The following BCAT1 variants were observed in gnomAD, a reference collection of about 807,000 sequenced individuals.
BCAT1 encodes the protein branched chain amino acid transaminase 1, also known as branched-chain-amino-acid aminotransferase, cytosolic.
A neutral mutation model predicts 52.4 loss-of-function variants in BCAT1; 48 were observed. That is an observed-to-expected ratio of 0.92 (90% CI 0.73 to 1.16). BCAT1 has a LOEUF of 1.16. BCAT1 is among the 50% of genes most tolerant of loss of function. The pLI, the probability that BCAT1 is intolerant of heterozygous loss-of-function variation, is 0.00. For synonymous variants in BCAT1, 167 were observed against 161.3 expected, an observed-to-expected ratio of 1.04 and a Z score of -0.27; for missense variants, 451 against 457.1, an observed-to-expected ratio of 0.99 and a Z score of 0.12.
intron 5 of BCAT1, among the ~76,000 whole-genome samples, chr12:24,865,512 C>T (rs1941980633): frequency 6.6e-6 from 1 of 152,092 alleles, no homozygotes; most frequent in South Asian, 2.1e-4. Context: ...TGTAATTTTC[C>T]TGCTTTATTC....
chr12:24,860,085 G>A lies in BCAT1; in HGVS notation c.511-10136C>T, dbSNP rs552956262. ...TCTAGTCAATTGTGTCTTTAACCAC[G>A]GCTTTCCTAAGACTTTATGTTATCC... On this transcript the variant is annotated intron_variant, in intron 5 of 10. Coordinates refer to ENST00000261192, the MANE Select transcript of BCAT1 (RefSeq NM_005504.7). Among the ~76,000 whole-genome samples, 3 of 152,214 alleles carry A rather than the reference G, an allele frequency of 2.0e-5. No homozygotes were observed. The South Asian group carries it at 6.2e-4, about 32-fold the overall frequency.
At chr12:24,895,702 A>G (rs1942945474) in intron 2 of BCAT1, among the ~76,000 whole-genome samples, 1 of 152,152 alleles carries the variant, frequency 6.6e-6, no homozygotes, top group Admixed American at 6.5e-5. Flanking sequence ...CTCCCAAATT[A>G]AATACAGACC....
chr12:24,888,332 C>T (rs1204938056), intron 3 of BCAT1, among the ~76,000 whole-genome samples: 1 of 152,106 alleles, frequency 6.6e-6, no homozygotes, highest in Admixed American at 6.5e-5. Context: ...AACCCTGTCT[C>T]TACTAAAAAT....
intron 5 of BCAT1, among the ~76,000 whole-genome samples, chr12:24,876,734 A>G (rs974896761): frequency 6.6e-6 from 1 of 152,214 alleles, no homozygotes; most frequent in Non-Finnish European, 1.5e-5. Flanking sequence ...ATGTTCTCTT[A>G]TAAGTGGGAG....
At chr12:24,943,265 G>A (rs1943874276) in intron 1 of BCAT1, among the ~76,000 whole-genome samples, 2 of 152,090 alleles carry the variant, frequency 1.3e-5, no homozygotes, top group Admixed American at 6.6e-5. Flanking sequence ...GGCCAAGGTG[G>A]GTGGATCACT....
At chr12:24,932,678 A>G (rs1943692967) in intron 1 of BCAT1, among the ~76,000 whole-genome samples, 1 of 152,098 alleles carries the variant, frequency 6.6e-6, no homozygotes, top group South Asian at 2.1e-4. Flanking sequence ...CTTCTATCGC[A>G]CAGGCTGGAG....
intron 2 of BCAT1, among the ~76,000 whole-genome samples, chr12:24,897,433 T>G (rs1368153343): frequency 6.6e-6 from 1 of 152,266 alleles, no homozygotes; most frequent in African/African-American, 2.4e-5. Flanking sequence ...TTTCTAGGTA[T>G]GACTTCTATT....
intron 7 of BCAT1, among the ~76,000 whole-genome samples, chr12:24,840,554 T>C (rs913164842): frequency 2.0e-5 from 3 of 151,958 alleles, no homozygotes; most frequent in African/African-American, 7.2e-5. Context: ...GAGAATGATC[T>C]GTATCTGGTT....
intron 1 of BCAT1, among the ~76,000 whole-genome samples, chr12:24,940,165 A>G (rs780092963): frequency 1.3e-5 from 2 of 152,228 alleles, no homozygotes; most frequent in Non-Finnish European, 2.9e-5. Context: ...GCAATAAATA[A>G]TCTTGTTGAT....
rs1052713035 is a variant in BCAT1 at position 24,814,058 on chromosome 12, G to C, written c.*3950C>G. On this transcript the variant is annotated 3_prime_UTR_variant, in exon 11 of 11. Coordinates refer to ENST00000261192, the MANE Select transcript of BCAT1 (RefSeq NM_005504.7). ...TGGTACCCTTTGCCTCCTTTTGTGG[G>C]GAGATATCTGGAAAATAGCTGAACA... 6.6e-6 allele frequency: 1 copy of C among 152,014 alleles called. No individual in the cohort carries two copies. The allele number at this position is 152,014 out of a possible 1,614,324, so 9.4% of individuals were successfully genotyped here.
intron 5 of BCAT1, among the ~76,000 whole-genome samples, chr12:24,858,511 C>T (rs112446422): frequency 1.3e-5 from 2 of 152,168 alleles, no homozygotes; most frequent in Admixed American, 6.6e-5. Flanking sequence ...AATTGTTCAA[C>T]TCACCTGCTT....
At chr12:24,901,708 G>A in intron 2 of BCAT1, 106 bp downstream of exon 2, 1 of 1,181,272 alleles carries the variant, frequency 8.5e-7, no homozygotes, top group Non-Finnish European at 1.2e-6. Context: ...ACACAACCTA[G>A]GAACTGGGTA....
intron 1 of BCAT1, among the ~76,000 whole-genome samples, chr12:24,912,029 A>C (rs1011054788): frequency 3.3e-4 from 50 of 152,216 alleles, no homozygotes; most frequent in African/African-American, 1.2e-3. Flanking sequence ...GTTTTATACC[A>C]GTACCTAAAT....
chr12:24,912,410 C>T (rs958099010), intron 1 of BCAT1, among the ~76,000 whole-genome samples: 2 of 152,058 alleles, frequency 1.3e-5, no homozygotes, highest in Non-Finnish European at 2.9e-5. Context: ...GTCCCAGCTA[C>T]TCGGGAGGCT....
intron 1 of BCAT1, among the ~76,000 whole-genome samples, chr12:24,941,835 G>C (rs1439383884): frequency 6.6e-6 from 1 of 152,150 alleles, no homozygotes; most frequent in Non-Finnish European, 1.5e-5. Context: ...AAGGTGTCTG[G>C]GGAGTGGGCT....
intron 5 of BCAT1, among the ~76,000 whole-genome samples, chr12:24,852,696 A>C (rs1486828804): frequency 6.6e-6 from 1 of 152,212 alleles, no homozygotes; most frequent in Non-Finnish European, 1.5e-5. Flanking sequence ...ATAAACCTCT[A>C]AGTAATATTT....
At chr12:24,924,280 C>G (rs2139727921) in intron 1 of BCAT1, among the ~76,000 whole-genome samples, 1 of 152,286 alleles carries the variant, frequency 6.6e-6, no homozygotes, top group East Asian at 1.9e-4. Flanking sequence ...AAGAATGCTA[C>G]TCAATGCCAA....
At chr12:24,900,241 C>T (rs1943063003) in intron 2 of BCAT1, among the ~76,000 whole-genome samples, 1 of 152,094 alleles carries the variant, frequency 6.6e-6, no homozygotes, top group African/African-American at 2.4e-5. Context: ...TGTAAACAGG[C>T]AATTCCCCTA....
chr12:24,878,994 A>G (rs1299953276), intron 4 of BCAT1, among the ~76,000 whole-genome samples: 1 of 152,210 alleles, frequency 6.6e-6, no homozygotes, highest in Non-Finnish European at 1.5e-5. Context: ...AGCTATCCAC[A>G]TGTGAAAGAT....
Sources: allele counts gnomAD v4.1 joint callset (sites outside exome capture counted in the v4.1 genomes callset), GRCh38; gene constraint gnomAD v4.1.1; transcripts MANE v1.5; gene names NCBI Gene and HGNC (gene_info 2026-07-23, HGNC 2026-07-21).